KCNK13: variants seen among roughly 807,000 people sequenced by gnomAD.
The protein encoded by KCNK13 is potassium channel subfamily K member 13.
Under a neutral mutation model 23.4 loss-of-function variants are expected in KCNK13, and 12 were observed. The ratio of observed to expected loss-of-function variants is 0.51; its 90% CI spans 0.33 to 0.83. KCNK13 has a LOEUF of 0.83. Among genes scored for constraint, KCNK13 ranks in the 40% least tolerant of loss-of-function variants. The pLI is 0.02. For synonymous variants in KCNK13, 231 were observed against 229.5 expected, an observed-to-expected ratio of 1.01 and a Z score of -0.06; for missense variants, 463 against 556.3, an observed-to-expected ratio of 0.83 and a Z score of 1.69.
chr14:90,094,983 G>C (rs1367661733), intron 1 of KCNK13, among the ~76,000 whole-genome samples: 2 of 152,184 alleles, frequency 1.3e-5, no homozygotes, highest in Non-Finnish European at 2.9e-5. Flanking sequence ...GTTTTGTCTA[G>C]AATTGTGTGT....
chr14:90,114,509 C>T (rs1377230715), intron 1 of KCNK13, among the ~76,000 whole-genome samples: 1 of 152,188 alleles, frequency 6.6e-6, no homozygotes, highest in Non-Finnish European at 1.5e-5. Context: ...TGGTGTCAAC[C>T]TAACTAGAAA....
At chr14:90,138,834 T>C (rs982592762) in intron 1 of KCNK13, among the ~76,000 whole-genome samples, 1 of 152,200 alleles carries the variant, frequency 6.6e-6, no homozygotes, top group Non-Finnish European at 1.5e-5. Context: ...TACCCACTAG[T>C]GACATCTCTT....
intron 1 of KCNK13, among the ~76,000 whole-genome samples, chr14:90,081,881 C>T (rs1026715717): frequency 2.0e-5 from 3 of 152,114 alleles, no homozygotes; most frequent in African/African-American, 7.2e-5. Context: ...TTGGTTCTCT[C>T]AGGAATGGAT....
At chr14:90,087,154 A>ATATATATATATATT (rs1282261147) in intron 1 of KCNK13, among the ~76,000 whole-genome samples, 3 of 107,648 alleles carry the variant, frequency 2.8e-5, no homozygotes, top group African/African-American at 1.1e-4. Flanking sequence ...ATATATATAT[A>ATATATATATATATT]TTTTTTTTTT....
intron 1 of KCNK13, among the ~76,000 whole-genome samples, chr14:90,115,789 C>A (rs1889670236): frequency 6.6e-6 from 1 of 152,210 alleles, no homozygotes; most frequent in African/African-American, 2.4e-5. Flanking sequence ...ATAATGTGTT[C>A]TTTTATGCCC....
intron 1 of KCNK13, among the ~76,000 whole-genome samples, chr14:90,159,549 G>A (rs1236899660): frequency 6.6e-6 from 1 of 152,204 alleles, no homozygotes; most frequent in African/African-American, 2.4e-5. Flanking sequence ...CTCCCAAGGT[G>A]TACAATGGAA....
chr14:90,082,081 A>G (rs906206910), intron 1 of KCNK13, among the ~76,000 whole-genome samples: 37 of 152,288 alleles, frequency 2.4e-4, no homozygotes, highest in Admixed American at 2.2e-3. Flanking sequence ...TTCTTTTTCA[A>G]AACAGAGTCT....
At chr14:90,137,810 A>G (rs1889956584) in intron 1 of KCNK13, among the ~76,000 whole-genome samples, 2 of 152,206 alleles carry the variant, frequency 1.3e-5, no homozygotes, top group Non-Finnish European at 1.5e-5. Context: ...GGTTTGATAA[A>G]ATGGTAATAA....
intron 1 of KCNK13, among the ~76,000 whole-genome samples, chr14:90,111,871 C>A (rs1232307700): frequency 6.6e-6 from 1 of 152,200 alleles, no homozygotes; most frequent in Non-Finnish European, 1.5e-5. Context: ...AATATTCTGG[C>A]CCCACCTCTT....
intron 1 of KCNK13, among the ~76,000 whole-genome samples, chr14:90,145,252 G>A (rs906626439): frequency 6.6e-6 from 1 of 152,000 alleles, no homozygotes; most frequent in African/African-American, 2.4e-5. Flanking sequence ...AATTAGCCAG[G>A]TGTGGTGGTG....
At position 90,126,037 on chromosome 14, in the gene KCNK13, A is replaced by T. The variant is rs192329053; in HGVS notation, c.335-58074A>T. 1.7e-3 allele frequency among the ~76,000 whole-genome samples: 248 copies of T among 144,252 alleles called. 1 individual carries two copies. The highest frequency in any genetic ancestry group is 6.0e-3 in the African/African-American group (236 of 39,072). The allele number at this position is 144,252 out of a possible 152,430, so 94.6% of individuals were successfully genotyped here. A position where few individuals can be genotyped will look rare whatever the true frequency, so the allele number is the denominator to read the frequency against. The stretch of plus-strand genomic sequence containing the variant: ...GAGACGCTATTTAAAAAAAAAAAAA[A>T]GTGGAATTGGAGTTGGAAAATAACT... On this transcript the variant is annotated intron_variant, in intron 1 of 1. Transcript: ENST00000282146.
chr14:90,146,707 G>GATTTTTTTTTTCC, intron 1 of KCNK13, among the ~76,000 whole-genome samples: 1 of 151,872 alleles, frequency 6.6e-6, no homozygotes, highest in Non-Finnish European at 1.5e-5. Context: ...AGTTGAATTT[G>GATTTTTTTTTTCC]ATTTTTTTTT....
intron 1 of KCNK13, among the ~76,000 whole-genome samples, chr14:90,122,943 A>G (rs1889756209): frequency 6.6e-6 from 1 of 152,132 alleles, no homozygotes; most frequent in African/African-American, 2.4e-5. Context: ...CAGCACTCTC[A>G]TGGAGTGGCA....
At chr14:90,159,225 C>T (rs1890226455) in intron 1 of KCNK13, among the ~76,000 whole-genome samples, 1 of 152,180 alleles carries the variant, frequency 6.6e-6, no homozygotes, top group Admixed American at 6.5e-5. Context: ...ATGACCTAAA[C>T]ACTTCCCATT....
rs1465117776 is a variant in KCNK13, at chr14:90,101,810, A to AAAAAAAAAC, written c.334+39273_334+39274insAAAAAACAA. 1.0e-3 allele frequency among the ~76,000 whole-genome samples: 154 copies of AAAAAAAAAC among 149,394 alleles called. 2 individuals are homozygous for AAAAAAAAAC. The highest frequency in any genetic ancestry group is 3.7e-3 in the African/African-American group (148 of 40,376). On this transcript the variant is annotated intron_variant, in intron 1 of 1. Transcript: ENST00000282146. ...GTCTCCAAAAAAAAAAAAAAAAAAA[A>AAAAAAAAAC]AACCTCACAAGTCACCGCTAAAGAA...
chr14:90,067,549 A>C (rs956276154), intron 1 of KCNK13, among the ~76,000 whole-genome samples: 11 of 152,190 alleles, frequency 7.2e-5, no homozygotes, highest in Admixed American at 2.0e-4. Flanking sequence ...GTTGTACAAC[A>C]TTGCAATTAT....
At chr14:90,087,152 A>ATT (rs1241730961) in intron 1 of KCNK13, among the ~76,000 whole-genome samples, 411 of 93,528 alleles carry the variant, frequency 4.4e-3, no homozygotes, top group Admixed American at 6.4e-3. Flanking sequence ...ATATATATAT[A>ATT]TATTTTTTTT....
intron 1 of KCNK13, among the ~76,000 whole-genome samples, chr14:90,112,060 C>G (rs1889621616): frequency 6.6e-6 from 1 of 152,212 alleles, no homozygotes; most frequent in African/African-American, 2.4e-5. Context: ...TCTCTTAGAT[C>G]AAGGCTCTGC....
intron 1 of KCNK13, among the ~76,000 whole-genome samples, chr14:90,139,262 C>T (rs1889975098): frequency 6.6e-6 from 1 of 152,192 alleles, no homozygotes; most frequent in Admixed American, 6.5e-5. Flanking sequence ...GCGGGGCAGG[C>T]TACTCTTCAG....
Sources: gnomAD v4.1 joint callset for allele counts (sites outside exome capture counted in the v4.1 genomes callset) on GRCh38, gnomAD v4.1.1 for gene constraint, MANE v1.5 for transcripts, NCBI Gene and HGNC (gene_info 2026-07-23, HGNC 2026-07-21) for gene names.